Variants in ADGRB3 observed in about 807,000 individuals in gnomAD.
The protein encoded by ADGRB3 is adhesion G protein-coupled receptor B3, also known as brain-specific angiogenesis inhibitor 3.
Under a neutral mutation model 193.4 loss-of-function variants are expected in ADGRB3, and 37 were observed. The observed-to-expected ratio is 0.19, with a 90% CI of 0.15 to 0.25. The LOEUF (loss-of-function observed/expected upper bound fraction) is 0.25, where lower values mean the gene tolerates loss of function less well. Ranked by LOEUF, ADGRB3 falls within the 10% of genes least tolerant of loss-of-function variation. The pLI is 1.00. For missense variants in ADGRB3, 1,637 were observed against 1,852.9 expected (o/e 0.88, Z 2.14); for synonymous variants, 690 against 644.2 (o/e 1.07, Z -1.08).
At chr6:69,060,290 G>T (rs17401852) in intron 15 of ADGRB3, among the ~76,000 whole-genome samples, 11,427 of 144,778 alleles carry the variant, frequency 0.079, 549 homozygotes, top group Non-Finnish European at 0.11. Context: ...AAGCCATAGG[G>T]TTGATTCTGT....
In ADGRB3 at chr6:69,235,112, A is replaced by C. The variant is rs767264473; in HGVS notation, c.2688A>C (p.Ala896=). 6.2e-7 allele frequency: 1 copy of C among 1,610,810 alleles called. No individual in the cohort carries two copies. Among genetic ancestry groups the C allele is most frequent in the South Asian group, 1.1e-5 (1 of 91,000 alleles). The change falls in exon 19 of 32, where the codon GCA becomes GCC. Residue 896 remains alanine, a synonymous_variant. Transcript: ENST00000370598. ...GLSCLALITL[A]VVYAALWRYI... The stretch of plus-strand genomic sequence containing the variant: ...CTTGCTTGGCCTTGATTACCCTAGC[A>C]GTTGTCTATGCAGCATTATGGAGGT...
chr6:68,914,892 T>C (rs1412597672), intron 3 of ADGRB3, among the ~76,000 whole-genome samples: 1 of 152,208 alleles, frequency 6.6e-6, no homozygotes, highest in Admixed American at 6.5e-5. Context: ...TAATCTAGCA[T>C]ATTTTGCTTC....
intron 20 of ADGRB3, among the ~76,000 whole-genome samples, chr6:69,283,170 T>G (rs1767472158): frequency 6.6e-6 from 1 of 152,188 alleles, no homozygotes; most frequent in African/African-American, 2.4e-5. Context: ...TCTAGGAAAT[T>G]GCCAAGGGGA....
chr6:69,041,416 G>T (rs1355042309), intron 13 of ADGRB3, among the ~76,000 whole-genome samples: 2 of 152,080 alleles, frequency 1.3e-5, no homozygotes, highest in Non-Finnish European at 1.5e-5. Context: ...ATTGATAAGT[G>T]AGAATTTTAT....
chr6:68,721,275 A>T (rs1242825764), intron 3 of ADGRB3, among the ~76,000 whole-genome samples: 1 of 151,890 alleles, frequency 6.6e-6, no homozygotes, highest in Admixed American at 6.6e-5. Context: ...GCACATATAC[A>T]CCATGGAATA....
intron 3 of ADGRB3, among the ~76,000 whole-genome samples, chr6:68,689,257 T>C (rs1765030900): frequency 6.6e-6 from 1 of 152,018 alleles, no homozygotes; most frequent in African/African-American, 2.4e-5. Context: ...GTAGGTGTCA[T>C]TAGAGTCAAG....
chr6:68,895,376 G>A (rs149676734), intron 3 of ADGRB3, among the ~76,000 whole-genome samples: 72 of 151,970 alleles, frequency 4.7e-4, no homozygotes, highest in African/African-American at 1.6e-3. Context: ...TTAGTGTACA[G>A]GATTTTGCAA....
chr6:68,998,465 A>G (rs1335791501), intron 11 of ADGRB3, among the ~76,000 whole-genome samples: 1 of 152,256 alleles, frequency 6.6e-6, no homozygotes, highest in African/African-American at 2.4e-5. Flanking sequence ...TGCATGGCTG[A>G]ATCCCAAAAG....
chr6:68,789,599 A>G (rs994291706), intron 3 of ADGRB3, among the ~76,000 whole-genome samples: 57 of 151,862 alleles, frequency 3.8e-4, no homozygotes, highest in Non-Finnish European at 2.8e-4. Context: ...TTTTTCCTTC[A>G]TTTCAACTGG....
rs561875401 is a variant in ADGRB3, at chr6:68,918,787, A to C, written c.758-11772A>C. Among the ~76,000 whole-genome samples the C allele has an allele frequency of 1.2e-4, 19 of 152,236 alleles. No individual in the cohort carries two copies. In the South Asian group the frequency reaches 2.7e-3, roughly 22 times the overall value. ...TGTCTCCCTTTTCAACCTCAACATG[A>C]AACCAAGCTTTTTTTTCTTTAATCC... On this transcript the variant is annotated intron_variant, in intron 3 of 31. Coordinates refer to ENST00000370598, the MANE Select transcript of ADGRB3 (RefSeq NM_001704.3).
intron 10 of ADGRB3, among the ~76,000 whole-genome samples, chr6:68,988,597 C>T (rs551783174): frequency 3.9e-5 from 6 of 151,972 alleles, no homozygotes; most frequent in Admixed American, 2.6e-4. Flanking sequence ...AAAGAAAGAC[C>T]TAGGAATCCT....
chr6:69,364,817 C>T (rs1769534292), intron 29 of ADGRB3, among the ~76,000 whole-genome samples: 2 of 152,156 alleles, frequency 1.3e-5, no homozygotes, highest in Admixed American at 6.6e-5. Flanking sequence ...GTGATGAGTG[C>T]ATGGTGTATA....
At chr6:69,060,129 GAC>G (rs1771686138) in intron 15 of ADGRB3, among the ~76,000 whole-genome samples, 1 of 151,588 alleles carries the variant, frequency 6.6e-6, no homozygotes, top group African/African-American at 2.4e-5. Context: ...TGAATAAATT[GAC>G]ACATATCTCT....
chr6:69,227,638 C>G (rs1766047456), intron 17 of ADGRB3, among the ~76,000 whole-genome samples: 1 of 152,136 alleles, frequency 6.6e-6, no homozygotes, highest in Admixed American at 6.5e-5. Context: ...GTCAGCTTCT[C>G]TAAGAAACTA....
intron 3 of ADGRB3, among the ~76,000 whole-genome samples, chr6:68,797,831 T>G (rs1442666956): frequency 6.6e-6 from 1 of 152,238 alleles, no homozygotes; most frequent in Non-Finnish European, 1.5e-5. Context: ...TGGTTTTACC[T>G]TTGTTGGACA....
chr6:69,145,629 A>C (rs569798134), intron 17 of ADGRB3, among the ~76,000 whole-genome samples: 52 of 152,258 alleles, frequency 3.4e-4, no homozygotes, highest in Admixed American at 2.2e-3. Context: ...AGATATGTAG[A>C]GAAGTGGAGG....
chr6:68,850,074 G>A lies in ADGRB3; in HGVS notation c.758-80485G>A, dbSNP rs115252621. On this transcript the variant is annotated intron_variant, in intron 3 of 31. Transcript: ENST00000370598. ...CTTCATTTTAATAAGGCATGTTATC[G>A]TTTACATTGCTCATGTTTAAAACAT... 4.4e-3 allele frequency among the ~76,000 whole-genome samples: 667 copies of A among 150,832 alleles called. 6 individuals are homozygous for A. Among genetic ancestry groups the A allele is most frequent in the African/African-American group, 0.014 (573 of 41,278 alleles).
intron 27 of ADGRB3, among the ~76,000 whole-genome samples, chr6:69,355,129 A>G (rs937103752): frequency 1.3e-5 from 2 of 152,212 alleles, no homozygotes; most frequent in Non-Finnish European, 2.9e-5. Context: ...TTAAAATATT[A>G]ATAGGGAAAG....
intron 20 of ADGRB3, among the ~76,000 whole-genome samples, chr6:69,247,015 A>C (rs946807228): frequency 1.3e-5 from 2 of 152,166 alleles, no homozygotes; most frequent in Admixed American, 6.6e-5. Flanking sequence ...TCTACTCTCC[A>C]TCCCCACCAC....
Sources: gnomAD v4.1 joint callset for allele counts (sites outside exome capture counted in the v4.1 genomes callset) on GRCh38, gnomAD v4.1.1 for gene constraint, MANE v1.5 for transcripts, NCBI Gene and HGNC (gene_info 2026-07-23, HGNC 2026-07-21) for gene names.